The following MCPH1 variants were observed in gnomAD, a reference collection of about 807,000 sequenced individuals.
MCPH1 encodes microcephalin.
A neutral mutation model predicts 84.5 loss-of-function variants in MCPH1; 104 were observed. That is an observed-to-expected ratio of 1.23 (90% CI 1.05 to 1.45). The LOEUF is 1.45. MCPH1 is among the 40% of genes most tolerant of loss of function. The pLI, the probability that MCPH1 is intolerant of heterozygous loss-of-function variation, is 0.00. For missense variants in MCPH1, 1,498 were observed against 1,005.7 expected (o/e 1.49, Z -6.62); for synonymous variants, 514 against 366.8 (o/e 1.40, Z -4.58).
At chr8:6,484,785 G>C (rs527277317) in intron 11 of MCPH1, among the ~76,000 whole-genome samples, 1 of 152,186 alleles carries the variant, frequency 6.6e-6, no homozygotes, top group East Asian at 1.9e-4. Flanking sequence ...TGCTGTATAA[G>C]GCCATTTCTT....
intron 2 of MCPH1, among the ~76,000 whole-genome samples, chr8:6,411,642 T>A (rs1211839372): frequency 1.3e-5 from 2 of 152,252 alleles, no homozygotes; most frequent in Non-Finnish European, 2.9e-5. Flanking sequence ...CTGCAACAGT[T>A]ACAGCCACAG....
chr8:6,439,801 G>A (rs2129555048), intron 6 of MCPH1, among the ~76,000 whole-genome samples: 1 of 152,186 alleles, frequency 6.6e-6, no homozygotes. Flanking sequence ...TTTAATTACT[G>A]AAGTGTAATT....
chr8:6,535,703 G>T (rs1030774566), intron 12 of MCPH1, among the ~76,000 whole-genome samples: 1 of 152,290 alleles, frequency 6.6e-6, no homozygotes, highest in South Asian at 2.1e-4. Context: ...TTTGGGAGAA[G>T]AATGGAACAG....
intron 9 of MCPH1, among the ~76,000 whole-genome samples, chr8:6,455,977 C>G (rs1805632974): frequency 6.6e-6 from 1 of 152,088 alleles, no homozygotes; most frequent in Non-Finnish European, 1.5e-5. Context: ...GCTTCCAGGT[C>G]CTGATACGCA....
intron 9 of MCPH1, among the ~76,000 whole-genome samples, chr8:6,456,649 A>C (rs1288579980): frequency 7.2e-6 from 1 of 139,324 alleles, no homozygotes; most frequent in African/African-American, 3.0e-5. Context: ...ACGTTGTACC[A>C]TGTCTGGCTT....
intron 6 of MCPH1, among the ~76,000 whole-genome samples, chr8:6,440,014 C>T (rs1803272064): frequency 6.6e-6 from 1 of 152,070 alleles, no homozygotes; most frequent in Non-Finnish European, 1.5e-5. Context: ...TTCTGTTTTA[C>T]CTAAATTAGA....
rs1301415613 is a variant in MCPH1 at position 6,480,864 on chromosome 8, C to G, written c.2124C>G (p.Leu708=). ...LLGIARGCWV[L]SYDWVLWSLE... ...GAATTGCGCGTGGCTGCTGGGTTCT[C>G]TCTTATGATTGGGTAAGCCCTGTGT... is the stretch of plus-strand genomic sequence containing the variant. The change falls in exon 11 of 14, where the codon CTC becomes CTG. Residue 708 remains leucine, a synonymous_variant. Transcript: ENST00000344683. 5 of 1,613,996 alleles carry G rather than the reference C, an allele frequency of 3.1e-6. No homozygotes were observed. In the African/African-American group the frequency reaches 5.3e-5, roughly 17 times the overall value.
At chr8:6,521,382 C>T in intron 12 of MCPH1, 3 of 1,612,848 alleles carry the variant, frequency 1.9e-6, no homozygotes, top group Non-Finnish European at 2.5e-6. Context: ...TGCTTGTCTT[C>T]CATAGCTAGC....
intron 9 of MCPH1, among the ~76,000 whole-genome samples, chr8:6,457,011 T>C (rs574684158): frequency 6.6e-5 from 10 of 152,288 alleles, no homozygotes; most frequent in Admixed American, 5.9e-4. Flanking sequence ...TCCATAAATA[T>C]AAGGTGGTAT....
intron 11 of MCPH1, among the ~76,000 whole-genome samples, chr8:6,497,056 G>C (rs1208295260): frequency 6.6e-6 from 1 of 152,126 alleles, no homozygotes; most frequent in Non-Finnish European, 1.5e-5. Context: ...AGGCAGTTAA[G>C]AAAATACTAA....
At chr8:6,470,684 A>C (rs1807603712) in intron 9 of MCPH1, among the ~76,000 whole-genome samples, 1 of 152,264 alleles carries the variant, frequency 6.6e-6, no homozygotes, top group Non-Finnish European at 1.5e-5. Flanking sequence ...TGAGTAACTC[A>C]TGAATACACA....
Position 6,643,420 on chromosome 8 carries a change from A to T in MCPH1, c.*371A>T, listed in dbSNP as rs936568419. 1 of 278,462 alleles carries T rather than the reference A, an allele frequency of 3.6e-6. No individual in the cohort carries two copies. Among genetic ancestry groups the T allele is most frequent in the Non-Finnish European group, 6.9e-6 (1 of 144,116 alleles). The allele number at this position is 278,462 out of a possible 1,614,324, so 17.2% of individuals were successfully genotyped here. A position where few individuals can be genotyped will look rare whatever the true frequency, so the allele number is the denominator to read the frequency against. On this transcript the variant is annotated 3_prime_UTR_variant, in exon 14 of 14. Coordinates refer to ENST00000344683, the MANE Select transcript of MCPH1 (RefSeq NM_024596.5). Reference sequence around the variant, plus strand: ...GCTGGGATTACAGATGTGTGCCACCATGCCTGGCTAATTTTTGTAGTTTTA... The same window carrying T: ...GCTGGGATTACAGATGTGTGCCACCTTGCCTGGCTAATTTTTGTAGTTTTA...
intron 9 of MCPH1, among the ~76,000 whole-genome samples, chr8:6,457,571 C>G (rs1585884205): frequency 6.6e-6 from 1 of 152,072 alleles, no homozygotes; most frequent in South Asian, 2.1e-4. Context: ...TGCCACTGCA[C>G]TCCAGCCTGG....
chr8:6,537,144 C>A (rs1295512731), intron 12 of MCPH1, among the ~76,000 whole-genome samples: 1 of 152,088 alleles, frequency 6.6e-6, no homozygotes, highest in African/African-American at 2.4e-5. Flanking sequence ...CGGCTCTTTC[C>A]AATTTCACAT....
At position 6,444,919 on chromosome 8, in the gene MCPH1, A is replaced by C. The variant is rs1305964035; in HGVS notation, c.1197A>C (p.Gly399=). 1.9e-6 allele frequency: 3 copies of C among 1,614,104 alleles called. No homozygotes were observed. Among genetic ancestry groups the C allele is most frequent in the Non-Finnish European group, 2.5e-6 (3 of 1,179,984 alleles). The change falls in exon 8 of 14, where the codon GGA becomes GGC. Residue 399 remains glycine, a synonymous_variant. Transcript: ENST00000344683. The part of the protein sequence containing the change: ...RSEDRLQHVA[G]PALEALSCGE... ...AAGACAGGCTGCAGCACGTGGCGGG[A>C]CCTGCCCTGGAGGCTCTTAGCTGTG... is the stretch of plus-strand genomic sequence containing the variant.
At position 6,586,984 on chromosome 8, in the gene MCPH1, T is replaced by C. The variant is rs575802826; in HGVS notation, c.2215-34470T>C. 2.6e-5 allele frequency among the ~76,000 whole-genome samples: 4 copies of C among 152,202 alleles called. No homozygotes were observed. In the South Asian group the frequency reaches 8.3e-4, roughly 32 times the overall value. ...GAGCCGAGCCCCGTTGCAGGCAGCC[T>C]GCAGGCCGCAGTTTCCTCGGCTTAC... On this transcript the variant is annotated intron_variant, in intron 12 of 13. Coordinates refer to ENST00000344683, the MANE Select transcript of MCPH1 (RefSeq NM_024596.5).
intron 3 of MCPH1, among the ~76,000 whole-genome samples, chr8:6,422,491 C>G (rs1253102488): frequency 6.6e-6 from 1 of 152,064 alleles, no homozygotes; most frequent in African/African-American, 2.4e-5. Context: ...CTCAGCTAAC[C>G]CTACAATGGG....
chr8:6,621,711 G>T lies in MCPH1; in HGVS notation c.2452+20G>T. On this transcript the variant is annotated intron_variant, in intron 13 of 13. Coordinates refer to ENST00000344683, the MANE Select transcript of MCPH1 (RefSeq NM_024596.5). Reference sequence around the variant, plus strand: ...TCTTAGGTAAGAATCCAGGCACACAGACGCTGTGGTGTGGTCCAGATCTGT... The same window carrying T: ...TCTTAGGTAAGAATCCAGGCACACATACGCTGTGGTGTGGTCCAGATCTGT... 3 of 1,613,976 alleles carry T rather than the reference G, an allele frequency of 1.9e-6. No homozygotes were observed. Among genetic ancestry groups the T allele is most frequent in the Non-Finnish European group, 2.5e-6 (3 of 1,180,032 alleles).
chr8:6,418,700 G>C (rs895501648), intron 3 of MCPH1, among the ~76,000 whole-genome samples: 5 of 152,128 alleles, frequency 3.3e-5, no homozygotes, highest in African/African-American at 1.2e-4. Flanking sequence ...TCCTGCCTCA[G>C]CCTCCCGAGT....
Sources: gnomAD v4.1 joint callset for allele counts (sites outside exome capture counted in the v4.1 genomes callset) on GRCh38, gnomAD v4.1.1 for gene constraint, MANE v1.5 for transcripts, NCBI Gene and HGNC (gene_info 2026-07-23, HGNC 2026-07-21) for gene names.